Variants in UNC13C observed in about 807,000 individuals in gnomAD.
UNC13C encodes unc-13 homolog C, also known as protein unc-13 homolog C.
In UNC13C, 174 loss-of-function variants were observed where a neutral mutation model predicts 245.4. The observed-to-expected ratio is 0.71, with a 90% CI of 0.63 to 0.80. UNC13C has a LOEUF of 0.80. Among genes scored for constraint, UNC13C ranks in the 30% least tolerant of loss-of-function variants. The pLI, the probability that UNC13C is intolerant of heterozygous loss-of-function variation, is 0.00. For synonymous variants in UNC13C, 992 were observed against 895.1 expected, an observed-to-expected ratio of 1.11 and a Z score of -1.93; for missense variants, 2,829 against 2,602.9, an observed-to-expected ratio of 1.09 and a Z score of -1.89.
intron 27 of UNC13C, 138 bp downstream of exon 27, chr15:54,546,983 A>G (rs529231663): frequency 1.0e-5 from 8 of 791,434 alleles, no homozygotes; most frequent in South Asian, 3.8e-5. Flanking sequence ...AACAATGATC[A>G]TTCAAATGAT....
At chr15:54,479,750 A>G (rs1303215153) in intron 19 of UNC13C, among the ~76,000 whole-genome samples, 1 of 151,704 alleles carries the variant, frequency 6.6e-6, no homozygotes, top group Non-Finnish European at 1.5e-5. Flanking sequence ...CTACTAGTAA[A>G]TTTTATACTT....
At chr15:54,543,058 T>C (rs938522171) in intron 26 of UNC13C, among the ~76,000 whole-genome samples, 4 of 152,170 alleles carry the variant, frequency 2.6e-5, no homozygotes, top group African/African-American at 4.8e-5. Context: ...TACCTGGTTA[T>C]TTTGCCCATT....
intron 30 of UNC13C, among the ~76,000 whole-genome samples, chr15:54,583,404 G>T (rs1020941431): frequency 1.4e-4 from 22 of 152,000 alleles, no homozygotes; most frequent in Non-Finnish European, 5.9e-5. Context: ...GCTTAAAAAG[G>T]CCTTTATGAA....
At chr15:54,062,772 C>A (rs950412141) in intron 2 of UNC13C, among the ~76,000 whole-genome samples, 1 of 152,186 alleles carries the variant, frequency 6.6e-6, no homozygotes, top group Non-Finnish European at 1.5e-5. Context: ...GTTCAATAAG[C>A]CCTTCAGGTG....
At chr15:54,054,484 A>G (rs911607265) in intron 2 of UNC13C, among the ~76,000 whole-genome samples, 4 of 152,202 alleles carry the variant, frequency 2.6e-5, no homozygotes, top group African/African-American at 9.6e-5. Context: ...AAATGTTATG[A>G]ATCTAGAATT....
chr15:54,525,700 G>C, intron 25 of UNC13C, 63 bp downstream of exon 25: 2 of 1,333,238 alleles, frequency 1.5e-6, no homozygotes, highest in South Asian at 1.3e-5. Flanking sequence ...TGATATTCTT[G>C]CCTTCAATGC....
intron 26 of UNC13C, among the ~76,000 whole-genome samples, chr15:54,540,766 G>A (rs1382028977): frequency 1.3e-5 from 2 of 152,096 alleles, no homozygotes; most frequent in East Asian, 1.9e-4. Context: ...TACGAGCTGC[G>A]CACGTGACAA....
At chr15:54,185,776 C>G (rs954251111) in intron 4 of UNC13C, among the ~76,000 whole-genome samples, 1 of 150,978 alleles carries the variant, frequency 6.6e-6, no homozygotes, top group Non-Finnish European at 1.5e-5. Context: ...TCCATATGAA[C>G]TTTAAAGTAG....
chr15:54,294,079 T>A lies in UNC13C; in HGVS notation c.3988+15T>A. 10 of 1,489,446 alleles carry A rather than the reference T, an allele frequency of 6.7e-6. No homozygotes were observed. Among genetic ancestry groups the A allele is most frequent in the Middle Eastern group, 1.8e-4 (1 of 5,510 alleles). 92.3% of individuals were successfully genotyped at this position (1,489,446 alleles called of 1,614,324 possible). A position where few individuals can be genotyped will look rare whatever the true frequency, so the allele number is the denominator to read the frequency against. On this transcript the variant is annotated intron_variant, in intron 11 of 32. Transcript: ENST00000260323. ...GTACAACTTAGGTGATTTTTTTTTT[T>A]ATCTACTTGAAAACGAGTTAAATAA...
At chr15:54,490,506 G>A (rs1408878672) in intron 19 of UNC13C, among the ~76,000 whole-genome samples, 1 of 152,112 alleles carries the variant, frequency 6.6e-6, no homozygotes, top group African/African-American at 2.4e-5. Context: ...AGAGAAGGAG[G>A]AAGAAACAAC....
chr15:54,052,775 T>C lies in UNC13C; in HGVS notation c.2983+36889T>C, dbSNP rs565082713. ...ATCATTTATGTATTTATTTAGTTAG[T>C]TAGTTTGCTTTCACTTGTCACCTCG... On this transcript the variant is annotated intron_variant, in intron 2 of 32. Coordinates refer to ENST00000260323, the MANE Select transcript of UNC13C (RefSeq NM_001080534.3). 3.9e-5 allele frequency among the ~76,000 whole-genome samples: 6 copies of C among 152,346 alleles called. No homozygotes were observed. The South Asian group carries it at 8.3e-4, about 21-fold the overall frequency.
intron 10 of UNC13C, among the ~76,000 whole-genome samples, chr15:54,290,698 T>C (rs1329593329): frequency 6.6e-6 from 1 of 152,146 alleles, no homozygotes. Flanking sequence ...ATTTAACCAC[T>C]TAATACACCT....
intron 4 of UNC13C, among the ~76,000 whole-genome samples, chr15:54,211,582 G>A (rs998345289): frequency 6.6e-6 from 1 of 152,024 alleles, no homozygotes; most frequent in Non-Finnish European, 1.5e-5. Flanking sequence ...TCTTCATCTA[G>A]AACCGTGGGC....
intron 7 of UNC13C, among the ~76,000 whole-genome samples, chr15:54,240,597 T>C (rs4144948): frequency 0.26 from 39,429 of 152,110 alleles, 7,367 homozygotes; most frequent in African/African-American, 0.51. Flanking sequence ...ACTGCCTCCT[T>C]CACTAACGCT....
intron 18 of UNC13C, among the ~76,000 whole-genome samples, chr15:54,405,553 A>T (rs2040273883): frequency 6.6e-6 from 1 of 152,170 alleles, no homozygotes; most frequent in South Asian, 2.1e-4. Context: ...TGTCAAAGTG[A>T]GATTACATAT....
chr15:54,177,149 T>C (rs2033642490), intron 4 of UNC13C, among the ~76,000 whole-genome samples: 1 of 152,088 alleles, frequency 6.6e-6, no homozygotes, highest in African/African-American at 2.4e-5. Flanking sequence ...CAGGGACATA[T>C]AATTTTAGGA....
the UNC13C span, among the ~76,000 whole-genome samples, chr15:53,879,755 G>T: frequency 0.62 from 93,860 of 151,890 alleles, 30,107 homozygotes; most frequent in Middle Eastern, 0.72. Flanking sequence ...GCCAGCTAAT[G>T]TTTGTATTTT....
At chr15:54,325,679 T>G (rs2038282546) in intron 14 of UNC13C, among the ~76,000 whole-genome samples, 1 of 152,042 alleles carries the variant, frequency 6.6e-6, no homozygotes, top group South Asian at 2.1e-4. Context: ...TCTGTTCTTG[T>G]GTTACTTTGC....
chr15:54,353,703 A>G (rs1163573213), intron 17 of UNC13C, among the ~76,000 whole-genome samples: 3 of 152,194 alleles, frequency 2.0e-5, no homozygotes, highest in Non-Finnish European at 4.4e-5. Flanking sequence ...TTTATTTTCT[A>G]AATGTCTAAT....
Sources: gnomAD v4.1 joint callset for allele counts (sites outside exome capture counted in the v4.1 genomes callset) on GRCh38, gnomAD v4.1.1 for gene constraint, MANE v1.5 for transcripts, NCBI Gene and HGNC (gene_info 2026-07-23, HGNC 2026-07-21) for gene names.